ENPP3: variants seen among roughly 807,000 people sequenced by gnomAD.
ENPP3 encodes the protein ectonucleotide pyrophosphatase/phosphodiesterase 3.
ENPP3 carries 104 observed loss-of-function variants against 117.8 expected under a neutral mutation model. The ratio of observed to expected loss-of-function variants is 0.88; its 90% CI spans 0.75 to 1.04. The LOEUF is 1.04. Ranked by LOEUF, ENPP3 falls within the 50% of genes least tolerant of loss-of-function variation. The pLI is 0.00. For missense variants in ENPP3, 1,026 were observed against 1,051.9 expected (o/e 0.98, Z 0.34); for synonymous variants, 380 against 349.9 (o/e 1.09, Z -0.96).
intron 3 of ENPP3, 59 bp from the exon 4 acceptor site, chr6:131,652,483 A>G: frequency 6.5e-7 from 1 of 1,533,774 alleles, no homozygotes. Context: ...AATAAATGAA[A>G]TTTGTATATT....
At chr6:131,672,573 A>T (rs1234559912) in intron 7 of ENPP3, among the ~76,000 whole-genome samples, 1 of 152,108 alleles carries the variant, frequency 6.6e-6, no homozygotes, top group East Asian at 1.9e-4. Context: ...CTAACTCTCT[A>T]TTTTTCCTAG....
chr6:131,684,003 G>A (rs951005574), intron 12 of ENPP3, among the ~76,000 whole-genome samples: 22 of 151,986 alleles, frequency 1.4e-4, no homozygotes, highest in African/African-American at 4.4e-4. Flanking sequence ...CGCCCACCTC[G>A]GCCTCCCAAA....
At chr6:131,678,997 CCTTG>C (rs1260614854) in intron 11 of ENPP3, among the ~76,000 whole-genome samples, 1,123 of 88,870 alleles carry the variant, frequency 0.013, 108 homozygotes, top group African/African-American at 0.034. Context: ...TTCCTTCCTT[CCTTG>C]CTTCCTTCCT....
chr6:131,723,930 C>T, intron 18 of ENPP3, 110 bp from the exon 19 acceptor site: 1 of 736,722 alleles, frequency 1.4e-6, no homozygotes. Context: ...GCTTCTTTGG[C>T]AGTATAACAT....
At chr6:131,688,179 A>T (rs1212429093) in intron 14 of ENPP3, among the ~76,000 whole-genome samples, 1 of 152,192 alleles carries the variant, frequency 6.6e-6, no homozygotes, top group Non-Finnish European at 1.5e-5. Flanking sequence ...GGCACCATGA[A>T]TCCTACTCAT....
rs1779768459 is a variant in ENPP3 at position 131,710,842 on chromosome 6, A to C, written c.1413-7830A>C. 3.7e-6 allele frequency: 6 copies of C among 1,612,904 alleles called. No individual in the cohort carries two copies. Among genetic ancestry groups the C allele is most frequent in the Non-Finnish European group, 4.2e-6 (5 of 1,179,816 alleles). ...CCTAACCGATCTAAAACTTCTCCAC[A>C]AAAAAAGGAGAACAACAAAAAATCC... On this transcript the variant is annotated intron_variant, in intron 15 of 24. Coordinates refer to ENST00000357639, the MANE Select transcript of ENPP3 (RefSeq NM_005021.5).
intron 15 of ENPP3, among the ~76,000 whole-genome samples, chr6:131,701,863 CAG>C (rs1458694088): frequency 7.2e-6 from 1 of 138,520 alleles, no homozygotes; most frequent in Non-Finnish European, 1.5e-5. Flanking sequence ...GCCTGGGTGA[CAG>C]AGCCAGACTC....
At chr6:131,741,435 CAATT>C (rs1006628273) in intron 24 of ENPP3, among the ~76,000 whole-genome samples, 1 of 152,026 alleles carries the variant, frequency 6.6e-6, no homozygotes, top group Admixed American at 6.6e-5. Context: ...GATCAATTGA[CAATT>C]AATGTTAAAA....
rs769674184 is a variant in ENPP3 at position 131,637,458 on chromosome 6, G to T, written c.74G>T (p.Cys25Phe). The change falls in exon 1 of 25, where the codon TGC becomes TTC. Residue 25 changes from cysteine to phenylalanine, a missense_variant. Cys to Phe is a radical substitution (Grantham distance 205). Transcript: ENST00000357639. ...ACTCTTAAGAAATATAAAATAGCTT[G>T]CATTGTAAGTACAATTCTTATTTTT... is the stretch of plus-strand genomic sequence containing the variant. Reference protein sequence around the residue: ...KNTLKKYKIACIVLLALLVIM... With the variant: ...KNTLKKYKIAFIVLLALLVIM... 12 of 1,535,326 alleles carry T rather than the reference G, an allele frequency of 7.8e-6. No homozygotes were observed. The highest frequency in any genetic ancestry group is 9.8e-6 in the Non-Finnish European group (11 of 1,120,902).
At chr6:131,724,399 T>A (rs1780107597) in intron 19 of ENPP3, among the ~76,000 whole-genome samples, 1 of 152,148 alleles carries the variant, frequency 6.6e-6, no homozygotes, top group Non-Finnish European at 1.5e-5. Flanking sequence ...GTCCTACCTC[T>A]GGTGCTTCCT....
chr6:131,703,357 G>A (rs62423427), intron 15 of ENPP3, among the ~76,000 whole-genome samples: 8,345 of 112,040 alleles, frequency 0.074, 348 homozygotes, highest in African/African-American at 0.18. Context: ...GATATTTCTT[G>A]AACTTAAAAA....
rs1487579796 is a variant in ENPP3, at chr6:131,733,734, C to T, written c.2089+11C>T. ...TCCTCTATCCTCCTGGTTAGTAGAA[C>T]TCTTTTTTAGAGCAGTAGCTTAGAA... On this transcript the variant is annotated intron_variant, in intron 21 of 24. Coordinates refer to ENST00000357639, the MANE Select transcript of ENPP3 (RefSeq NM_005021.5). 6.2e-7 allele frequency: 1 copy of T among 1,613,158 alleles called. No homozygotes were observed. The highest frequency in any genetic ancestry group is 2.2e-5 in the East Asian group (1 of 44,836).
intron 14 of ENPP3, among the ~76,000 whole-genome samples, chr6:131,693,234 T>C (rs570448417): frequency 1.3e-5 from 2 of 151,644 alleles, no homozygotes; most frequent in African/African-American, 2.4e-5. Context: ...TGGAGTGCAA[T>C]GGGGTGATCT....
intron 5 of ENPP3, among the ~76,000 whole-genome samples, chr6:131,653,990 C>T (rs368788960): frequency 6.6e-6 from 1 of 152,122 alleles, no homozygotes; most frequent in African/African-American, 2.4e-5. Flanking sequence ...CTCCATCCAC[C>T]CCTCTGCCCT....
At position 131,747,076 on chromosome 6, in the gene ENPP3, A is replaced by G. The variant is rs1477849365; in HGVS notation, c.*120A>G. On this transcript the variant is annotated 3_prime_UTR_variant, in exon 25 of 25. Coordinates refer to ENST00000357639, the MANE Select transcript of ENPP3 (RefSeq NM_005021.5). ...TCTATTTTTCCTTAAGTCCCCTAAAAGCCATAATTTTTATTATTCCTTTTT... is the reference window on the plus strand; with the variant it reads ...TCTATTTTTCCTTAAGTCCCCTAAAGGCCATAATTTTTATTATTCCTTTTT... 5.9e-6 allele frequency: 3 copies of G among 507,002 alleles called. No individual in the cohort carries two copies. The highest frequency in any genetic ancestry group is 6.7e-6 in the Non-Finnish European group (2 of 297,096). The allele number at this position is 507,002 out of a possible 1,614,324, so 31.4% of individuals were successfully genotyped here.
At chr6:131,637,485 G>C (rs1405404128) in intron 1 of ENPP3, 23 bp downstream of exon 1, 1 of 1,325,212 alleles carries the variant, frequency 7.5e-7, no homozygotes, top group Non-Finnish European at 1.1e-6. Context: ...CTTATTTTTA[G>C]TCTTTCTAGT....
At chr6:131,715,846 A>T (rs929164508) in intron 15 of ENPP3, among the ~76,000 whole-genome samples, 2 of 151,982 alleles carry the variant, frequency 1.3e-5, no homozygotes, top group African/African-American at 4.8e-5. Flanking sequence ...TGCCAGGTCC[A>T]GCCCCACCCA....
chr6:131,649,953 T>G, intron 2 of ENPP3, 74 bp from the exon 3 acceptor site: 1 of 1,521,444 alleles, frequency 6.6e-7, no homozygotes, highest in Non-Finnish European at 9.1e-7. Flanking sequence ...GTACTTCCTG[T>G]GTGCTTCCAC....
rs904142090 is a variant in ENPP3, at chr6:131,651,704, A to T, written c.278-838A>T. ...GTGGTTGGAGGAGAGTGAAGATTAG[A>T]ATAGTAGAGTTCCTTCCATTATGTT... On this transcript the variant is annotated intron_variant, in intron 3 of 24. Coordinates refer to ENST00000357639, the MANE Select transcript of ENPP3 (RefSeq NM_005021.5). Among the ~76,000 whole-genome samples, 19 of 152,198 alleles carry T rather than the reference A, an allele frequency of 1.2e-4. 1 individual carries two copies. The highest frequency in any genetic ancestry group is 1.4e-4 in the African/African-American group (6 of 41,448).
Sources: gnomAD v4.1 joint callset for allele counts (sites outside exome capture counted in the v4.1 genomes callset) on GRCh38, gnomAD v4.1.1 for gene constraint, MANE v1.5 for transcripts, NCBI Gene and HGNC (gene_info 2026-07-23, HGNC 2026-07-21) for gene names.